Variants in RAB3C observed in about 807,000 individuals in gnomAD.
The protein encoded by RAB3C is ras-related protein Rab-3C.
In RAB3C, 17 loss-of-function variants were observed where a neutral mutation model predicts 26.4. The observed-to-expected ratio is 0.64, with a 90% CI of 0.44 to 0.97. The LOEUF (loss-of-function observed/expected upper bound fraction) is 0.97. RAB3C is among the 50% of genes least tolerant of loss of function. The probability of loss-of-function intolerance (pLI) is 0.00; values close to 1 mark genes in which losing one functional copy is unlikely to be tolerated. For synonymous variants in RAB3C, 91 were observed against 95.9 expected (o/e 0.95, Z 0.30); for missense variants, 242 against 281.9 (o/e 0.86, Z 1.01).
At chr5:58,638,771 G>A (rs1341875282) in intron 2 of RAB3C, among the ~76,000 whole-genome samples, 1 of 152,232 alleles carries the variant, frequency 6.6e-6, no homozygotes, top group Admixed American at 6.5e-5. Context: ...TCTTGAAGCA[G>A]TTGACATCAA....
At chr5:58,807,519 A>G (rs1742970181) in intron 3 of RAB3C, among the ~76,000 whole-genome samples, 1 of 152,176 alleles carries the variant, frequency 6.6e-6, no homozygotes, top group South Asian at 2.1e-4. Context: ...GGAGTCTGGG[A>G]AGTCCAAGAT....
rs962627614 is a variant in RAB3C at position 58,715,858 on chromosome 5, T to TA, written c.253-10143dup. On this transcript the variant is annotated intron_variant, in intron 2 of 4. Transcript: ENST00000282878. ...AGCTCGCCACATGAAGAAGAAAACT[T>TA]AGAGAGACTAAAGAATCAGGAGAGC... Among the ~76,000 whole-genome samples, 20 of 152,012 alleles carry TA rather than the reference T, an allele frequency of 1.3e-4. No homozygotes were observed. In the South Asian group the frequency reaches 1.7e-3, roughly 13 times the overall value.
intron 3 of RAB3C, among the ~76,000 whole-genome samples, chr5:58,790,472 G>A (rs981075996): frequency 1.5e-4 from 23 of 152,156 alleles, no homozygotes; most frequent in African/African-American, 5.1e-4. Flanking sequence ...AAATGAGCAT[G>A]TGAGCCTTAT....
intron 4 of RAB3C, among the ~76,000 whole-genome samples, chr5:58,828,897 C>G (rs1246310798): frequency 6.9e-6 from 1 of 145,066 alleles, no homozygotes; most frequent in African/African-American, 2.7e-5. Flanking sequence ...GTTATTTTAC[C>G]ATGCTTTTTT....
chr5:58,641,278 A>T (rs1747407262), intron 2 of RAB3C, among the ~76,000 whole-genome samples: 1 of 152,200 alleles, frequency 6.6e-6, no homozygotes, highest in Non-Finnish European at 1.5e-5. Flanking sequence ...GGCTGTTTTC[A>T]CTGTGTACCG....
At chr5:58,590,646 G>A (rs1746109017) in intron 1 of RAB3C, among the ~76,000 whole-genome samples, 1 of 152,074 alleles carries the variant, frequency 6.6e-6, no homozygotes, top group African/African-American at 2.4e-5. Flanking sequence ...GGGTTCAAGC[G>A]ATTCTCCTGC....
At chr5:58,840,655 A>G (rs58281939) in intron 4 of RAB3C, among the ~76,000 whole-genome samples, 7,684 of 152,024 alleles carry the variant, frequency 0.051, 648 homozygotes, top group African/African-American at 0.17. Flanking sequence ...GGTAGAGTAC[A>G]TTGGCTTTGC....
intron 1 of RAB3C, among the ~76,000 whole-genome samples, chr5:58,592,967 A>G (rs2111660767): frequency 6.6e-6 from 1 of 152,236 alleles, no homozygotes; most frequent in African/African-American, 2.4e-5. Context: ...AATTGGAAAT[A>G]TATTTAGCCA....
chr5:58,832,446 A>T (rs1743633583), intron 4 of RAB3C, among the ~76,000 whole-genome samples: 2 of 152,192 alleles, frequency 1.3e-5, no homozygotes, highest in South Asian at 4.1e-4. Flanking sequence ...ACGGGACTTT[A>T]TTCATTTACT....
chr5:58,715,340 G>A (rs1043869880), intron 2 of RAB3C, among the ~76,000 whole-genome samples: 3 of 151,032 alleles, frequency 2.0e-5, no homozygotes, highest in African/African-American at 7.3e-5. Context: ...TAAAAATATT[G>A]CAATAAAGAA....
chr5:58,693,362 A>ATATATACATATATATATATAT (rs1748620721), intron 2 of RAB3C, among the ~76,000 whole-genome samples: 2 of 143,732 alleles, frequency 1.4e-5, no homozygotes, highest in African/African-American at 5.2e-5. Context: ...ATATATATAT[A>ATATATACATATATATATATAT]AAATTTCTTA....
chr5:58,735,936 C>A (rs1184907072), intron 3 of RAB3C, among the ~76,000 whole-genome samples: 1 of 152,144 alleles, frequency 6.6e-6, no homozygotes, highest in African/African-American at 2.4e-5. Flanking sequence ...CAATCTCCAG[C>A]CAATCAGCAC....
intron 1 of RAB3C, among the ~76,000 whole-genome samples, chr5:58,604,138 G>A (rs1023326569): frequency 6.6e-6 from 1 of 152,244 alleles, no homozygotes; most frequent in Non-Finnish European, 1.5e-5. Context: ...GAGGTTGTCT[G>A]CACAGAGTCC....
chr5:58,693,062 G>A (rs973018297), intron 2 of RAB3C, among the ~76,000 whole-genome samples: 16 of 151,074 alleles, frequency 1.1e-4, no homozygotes, highest in African/African-American at 2.7e-4. Flanking sequence ...AGCCTAGATC[G>A]TGCTATTGCA....
intron 3 of RAB3C, among the ~76,000 whole-genome samples, chr5:58,753,486 C>T (rs564959281): frequency 2.2e-4 from 33 of 152,190 alleles, no homozygotes; most frequent in African/African-American, 7.7e-4. Flanking sequence ...TGAACTTGAT[C>T]GAGAAGTAAT....
intron 2 of RAB3C, among the ~76,000 whole-genome samples, chr5:58,627,602 T>G (rs1385346078): frequency 6.6e-6 from 1 of 151,808 alleles, no homozygotes; most frequent in Non-Finnish European, 1.5e-5. Flanking sequence ...AAGTACAGCA[T>G]TTTTCTAGTT....
chr5:58,778,094 TA>T (rs1468828216), intron 3 of RAB3C, among the ~76,000 whole-genome samples: 1 of 152,146 alleles, frequency 6.6e-6, no homozygotes, highest in Non-Finnish European at 1.5e-5. Flanking sequence ...ACTATATTTT[TA>T]TTTTTGGAAA....
chr5:58,614,612 C>T (rs1241539243), intron 1 of RAB3C, among the ~76,000 whole-genome samples: 1 of 151,540 alleles, frequency 6.6e-6, no homozygotes, highest in Non-Finnish European at 1.5e-5. Flanking sequence ...CCTCCTAGAC[C>T]CCCTCTTTTG....
intron 3 of RAB3C, among the ~76,000 whole-genome samples, chr5:58,730,328 A>G (rs1379954400): frequency 3.3e-5 from 5 of 152,080 alleles, no homozygotes; most frequent in Non-Finnish European, 7.4e-5. Flanking sequence ...ATAGGAATAG[A>G]ATTGTATAAT....
Sources: allele counts gnomAD v4.1 joint callset (sites outside exome capture counted in the v4.1 genomes callset), GRCh38; gene constraint gnomAD v4.1.1; transcripts MANE v1.5; gene names NCBI Gene and HGNC (gene_info 2026-07-23, HGNC 2026-07-21).